The following RYR3 variants were observed in gnomAD, a reference collection of about 807,000 sequenced individuals.
The protein encoded by RYR3 is ryanodine receptor 3.
RYR3 carries 207 observed loss-of-function variants against 584.3 expected under a neutral mutation model. The ratio of observed to expected loss-of-function variants is 0.35; its 90% CI spans 0.32 to 0.40. RYR3 has a LOEUF of 0.40. RYR3 is among the 10% of genes least tolerant of loss of function. RYR3 has a pLI of 1.00. For synonymous variants in RYR3, 2,416 were observed against 2,248.5 expected (o/e 1.07, Z -2.11); for missense variants, 5,616 against 6,089.2 (o/e 0.92, Z 2.59).
intron 34 of RYR3, among the ~76,000 whole-genome samples, chr15:33,660,806 A>G (rs1297685158): frequency 1.3e-5 from 2 of 152,172 alleles, no homozygotes; most frequent in African/African-American, 4.8e-5. Flanking sequence ...GCTATTAATT[A>G]TGGCTGGGGT....
intron 59 of RYR3, 141 bp downstream of exon 59, chr15:33,756,514 A>G: frequency 1.4e-6 from 1 of 703,630 alleles, no homozygotes; most frequent in Non-Finnish European, 2.4e-6. Flanking sequence ...GTCGTGTAAC[A>G]GTCCCAAGGG....
At chr15:33,857,936 G>C (rs772377160) in intron 99 of RYR3, 22 bp downstream of exon 99, 15 of 1,379,264 alleles carry the variant, frequency 1.1e-5, no homozygotes, top group African/African-American at 3.6e-5. Flanking sequence ...CCCACTGCGG[G>C]GCCAGCCCAC....
At position 33,823,020 on chromosome 15, in the gene RYR3, A is replaced by C; in HGVS notation, c.11020A>C (p.Lys3674Gln). The C allele has an allele frequency of 6.2e-7, 1 of 1,612,826 alleles. No homozygotes were observed. Among genetic ancestry groups the C allele is most frequent in the East Asian group, 2.2e-5 (1 of 44,864 alleles). ...QQKMLDYLKEKKDAGFFQSLS... is the reference protein window; with the variant it reads ...QQKMLDYLKEQKDAGFFQSLS... ...GAAAATGCTAGATTACCTAAAGGAGAAAAAGGATGCTGGATTCTTTCAAAG... is the reference window on the plus strand; with the variant it reads ...GAAAATGCTAGATTACCTAAAGGAGCAAAAGGATGCTGGATTCTTTCAAAG... Residue 3674 changes from lysine to glutamine, a missense_variant, in exon 81 of 104, where the codon AAA (lysine) becomes CAA (glutamine). Lys to Gln is a moderately conservative substitution (Grantham distance 53, BLOSUM62 1). Transcript: ENST00000634891.
At chr15:33,352,222 G>A (rs938387103) in intron 1 of RYR3, among the ~76,000 whole-genome samples, 20 of 152,040 alleles carry the variant, frequency 1.3e-4, no homozygotes, top group Non-Finnish European at 2.8e-4. Context: ...ACATAGATGG[G>A]CCTTAGTTAC....
At chr15:33,545,773 C>T (rs980595375) in intron 8 of RYR3, among the ~76,000 whole-genome samples, 7 of 152,152 alleles carry the variant, frequency 4.6e-5, no homozygotes, top group African/African-American at 1.7e-4. Flanking sequence ...GGAAACAGCA[C>T]ACTAAAAGAC....
At chr15:33,761,299 A>G (rs1299063681) in intron 60 of RYR3, among the ~76,000 whole-genome samples, 3 of 152,220 alleles carry the variant, frequency 2.0e-5, no homozygotes, top group African/African-American at 7.2e-5. Context: ...CCTTAAAAAA[A>G]TCAGTGAATC....
chr15:33,832,122 C>T (rs1243137538), intron 86 of RYR3, among the ~76,000 whole-genome samples: 2 of 151,834 alleles, frequency 1.3e-5, no homozygotes, highest in South Asian at 2.1e-4. Context: ...GGTGCAATCT[C>T]GTCTCTACTA....
intron 2 of RYR3, among the ~76,000 whole-genome samples, chr15:33,479,056 C>T (rs1433150048): frequency 6.6e-6 from 1 of 151,434 alleles, no homozygotes; most frequent in East Asian, 1.9e-4. Flanking sequence ...TTTTCAAATC[C>T]AATGGAAATT....
intron 1 of RYR3, among the ~76,000 whole-genome samples, chr15:33,461,940 C>T (rs2048070747): frequency 6.6e-6 from 1 of 152,152 alleles, no homozygotes; most frequent in Non-Finnish European, 1.5e-5. Flanking sequence ...ATATCCAATA[C>T]CATAAAACAA....
chr15:33,778,889 C>A (rs1027830153), intron 64 of RYR3, among the ~76,000 whole-genome samples: 1 of 152,174 alleles, frequency 6.6e-6, no homozygotes, highest in Non-Finnish European at 1.5e-5. Flanking sequence ...TTGAAGTTAT[C>A]GGCTCAAATG....
chr15:33,361,454 C>G (rs1047698925), intron 1 of RYR3, among the ~76,000 whole-genome samples: 1 of 152,128 alleles, frequency 6.6e-6, no homozygotes, highest in East Asian at 1.9e-4. Flanking sequence ...GCAGTAAATA[C>G]TTTATACCAA....
intron 39 of RYR3, among the ~76,000 whole-genome samples, chr15:33,697,060 CA>C (rs1364665555): frequency 6.6e-6 from 1 of 152,058 alleles, no homozygotes; most frequent in East Asian, 1.9e-4. Context: ...ATGAGAACAC[CA>C]AGGCCCAAAA....
intron 38 of RYR3, among the ~76,000 whole-genome samples, chr15:33,687,512 C>A (rs992138205): frequency 2.6e-5 from 4 of 152,126 alleles, no homozygotes; most frequent in South Asian, 4.2e-4. Flanking sequence ...AGATTCGATG[C>A]CATCCCCATC....
chr15:33,759,485 A>G (rs1362748549), intron 60 of RYR3, among the ~76,000 whole-genome samples: 1 of 152,234 alleles, frequency 6.6e-6, no homozygotes, highest in Non-Finnish European at 1.5e-5. Context: ...ACAGCACAAG[A>G]ACTTCATGAG....
chr15:33,319,848 T>C (rs28735933), intron 1 of RYR3, among the ~76,000 whole-genome samples: 9,436 of 152,224 alleles, frequency 0.062, 908 homozygotes, highest in African/African-American at 0.21. Flanking sequence ...GCCTAAAGTA[T>C]GAGCCATACA....
At chr15:33,724,871 C>G (rs2068227984) in intron 45 of RYR3, among the ~76,000 whole-genome samples, 1 of 151,928 alleles carries the variant, frequency 6.6e-6, no homozygotes, top group African/African-American at 2.4e-5. Context: ...GGACCCTTAC[C>G]CACTTAGGCC....
At chr15:33,327,712 GCCTT>G (rs1040121850) in intron 1 of RYR3, among the ~76,000 whole-genome samples, 2 of 151,932 alleles carry the variant, frequency 1.3e-5, no homozygotes, top group African/African-American at 2.4e-5. Context: ...CTGCCTGCCT[GCCTT>G]CCTTCCTTCC....
In RYR3 at chr15:33,801,937, A is replaced by T; in HGVS notation, c.9987A>T (p.Gly3329=). ...NEINNLAFLT[G]DSKSKMSKAM... is the part of the protein sequence containing the mutation. ...TTAATAATTTGGCATTTTTAACTGG[A>T]GACAGCAAAAGCAAGATGTCAAAAG... Residue 3329 remains glycine, a synonymous_variant, in exon 69 of 104, where the codon GGA becomes GGT. Transcript: ENST00000634891. 6.3e-7 allele frequency: 1 copy of T among 1,593,934 alleles called. No individual in the cohort carries two copies. Among genetic ancestry groups the T allele is most frequent in the Non-Finnish European group, 8.6e-7 (1 of 1,166,888 alleles).
intron 85 of RYR3, among the ~76,000 whole-genome samples, chr15:33,827,837 G>C (rs530272364): frequency 7.2e-5 from 11 of 152,330 alleles, no homozygotes; most frequent in African/African-American, 2.4e-4. Flanking sequence ...TAATGTGCCT[G>C]TGTTCCAGTT....
Sources: gnomAD v4.1 joint callset for allele counts (sites outside exome capture counted in the v4.1 genomes callset) on GRCh38, gnomAD v4.1.1 for gene constraint, MANE v1.5 for transcripts, NCBI Gene and HGNC (gene_info 2026-07-23, HGNC 2026-07-21) for gene names.